Variants in CAMK1D observed in about 807,000 individuals in gnomAD.
CAMK1D encodes calcium/calmodulin dependent protein kinase ID, also known as calcium/calmodulin-dependent protein kinase type 1D.
Under a neutral mutation model 47.7 loss-of-function variants are expected in CAMK1D, and 9 were observed. The ratio of observed to expected loss-of-function variants is 0.19; its 90% CI spans 0.11 to 0.33. CAMK1D has a LOEUF of 0.33. Ranked by LOEUF, CAMK1D falls within the 10% of genes least tolerant of loss-of-function variation. The pLI, the probability that CAMK1D is intolerant of heterozygous loss-of-function variation, is 1.00. For synonymous variants in CAMK1D, 184 were observed against 184.9 expected (o/e 0.99, Z 0.04); for missense variants, 291 against 488.7 (o/e 0.60, Z 3.81).
intron 3 of CAMK1D, among the ~76,000 whole-genome samples, chr10:12,710,476 A>C (rs1208528085): frequency 6.6e-6 from 1 of 152,252 alleles, no homozygotes; most frequent in Non-Finnish European, 1.5e-5. Context: ...AGTGACAAAG[A>C]CAGAGAAGAA....
chr10:12,357,401 C>T (rs1408479281), intron 1 of CAMK1D, among the ~76,000 whole-genome samples: 4 of 151,916 alleles, frequency 2.6e-5, no homozygotes, highest in Non-Finnish European at 4.4e-5. Context: ...CTGCAACCTC[C>T]GCCTCCCGGG....
intron 1 of CAMK1D, among the ~76,000 whole-genome samples, chr10:12,478,162 C>T (rs951321075): frequency 2.0e-5 from 3 of 151,464 alleles, no homozygotes; most frequent in African/African-American, 4.9e-5. Context: ...CCCTCCACCA[C>T]GCTCTGCTAA....
rs1833403858 is a variant in CAMK1D at position 12,830,830 on chromosome 10, A to C, written c.*1943A>C. 1 of 56,144 alleles carries C rather than the reference A, an allele frequency of 1.8e-5. No homozygotes were observed. Among genetic ancestry groups the C allele is most frequent in the Non-Finnish European group, 3.7e-5 (1 of 26,728 alleles). The allele number at this position is 56,144 out of a possible 1,614,324, so 3.5% of individuals were successfully genotyped here. On this transcript the variant is annotated 3_prime_UTR_variant, in exon 11 of 11. Coordinates refer to ENST00000619168, the MANE Select transcript of CAMK1D (RefSeq NM_153498.4). ...GCCCTCTTCCTCTGGCTGGCCAGTC[A>C]TGGGAAGTCCTGTTGGTTGAGTCAT... is the stretch of plus-strand genomic sequence containing the variant.
At chr10:12,530,141 G>C (rs539174506) in intron 1 of CAMK1D, among the ~76,000 whole-genome samples, 3 of 152,196 alleles carry the variant, frequency 2.0e-5, no homozygotes, top group African/African-American at 4.8e-5. Context: ...CTCTGGTGTT[G>C]GGATTTGGAT....
chr10:12,541,878 C>CCTTCCTTCCTTCCTTCCTT (rs1343557573), intron 1 of CAMK1D, among the ~76,000 whole-genome samples: 2 of 145,602 alleles, frequency 1.4e-5, no homozygotes, highest in Admixed American at 6.8e-5. Context: ...TTCCTTCCTT[C>CCTTCCTTCCTTCCTTCCTT]CTTCCTTCCT....
At chr10:12,406,409 GT>G (rs898894743) in intron 1 of CAMK1D, among the ~76,000 whole-genome samples, 3 of 152,078 alleles carry the variant, frequency 2.0e-5, no homozygotes, top group African/African-American at 7.2e-5. Flanking sequence ...TATTGTTATT[GT>G]TTTTTTAATT....
At chr10:12,423,987 A>G (rs1169333851) in intron 1 of CAMK1D, among the ~76,000 whole-genome samples, 1 of 152,082 alleles carries the variant, frequency 6.6e-6, no homozygotes, top group East Asian at 1.9e-4. Context: ...TCATCAGGTG[A>G]TACCCTTCAA....
chr10:12,695,060 A>ATAGATAGATACCTAGG (rs1554811991), intron 3 of CAMK1D, among the ~76,000 whole-genome samples: 2 of 85,914 alleles, frequency 2.3e-5, no homozygotes, highest in Admixed American at 1.3e-4. Context: ...AGATAGATAG[A>ATAGATAGATACCTAGG]TAGATACATA....
At chr10:12,401,063 AT>A (rs1491373458) in intron 1 of CAMK1D, among the ~76,000 whole-genome samples, 1 of 94,010 alleles carries the variant, frequency 1.1e-5, no homozygotes, top group Non-Finnish European at 2.0e-5. Context: ...TTATATATAT[AT>A]TTTATATATA....
At chr10:12,392,985 A>G (rs2724806) in intron 1 of CAMK1D, among the ~76,000 whole-genome samples, 41,974 of 151,420 alleles carry the variant, frequency 0.28, 6,046 homozygotes, top group South Asian at 0.31. Flanking sequence ...CTTAGCTACA[A>G]CTGACTGCTC....
intron 3 of CAMK1D, among the ~76,000 whole-genome samples, chr10:12,695,758 C>G (rs1441429148): frequency 6.6e-6 from 1 of 152,010 alleles, no homozygotes; most frequent in Admixed American, 6.6e-5. Flanking sequence ...GTGATACAAT[C>G]CATGCGGAAT....
intron 2 of CAMK1D, among the ~76,000 whole-genome samples, chr10:12,635,116 G>C (rs148131029): frequency 4.7e-4 from 72 of 152,266 alleles, no homozygotes; most frequent in Admixed American, 9.2e-4. Context: ...GATAGGAGCT[G>C]TGGGGAACAT....
At chr10:12,766,089 C>G (rs1836743914) in intron 4 of CAMK1D, among the ~76,000 whole-genome samples, 1 of 151,636 alleles carries the variant, frequency 6.6e-6, no homozygotes. Context: ...CCTCAGCCTC[C>G]CTAGTAGCTG....
At chr10:12,719,053 G>C (rs1834266182) in intron 3 of CAMK1D, among the ~76,000 whole-genome samples, 1 of 152,184 alleles carries the variant, frequency 6.6e-6, no homozygotes, top group Non-Finnish European at 1.5e-5. Flanking sequence ...AAGAAATAGA[G>C]ACAAGGTACG....
intron 6 of CAMK1D, among the ~76,000 whole-genome samples, chr10:12,810,078 A>G (rs1475094466): frequency 7.0e-6 from 1 of 142,812 alleles, no homozygotes; most frequent in Admixed American, 7.2e-5. Context: ...AGTCTGGGAG[A>G]TGGGAGGGTG....
At chr10:12,349,979 CCG>C in intron 1 of CAMK1D, 69 bp downstream of exon 1, 3 of 763,730 alleles carry the variant, frequency 3.9e-6, no homozygotes, top group Non-Finnish European at 5.7e-6. Flanking sequence ...GCTCCAGCTG[CCG>C]CCGCCGCCAC....
At chr10:12,589,020 G>C (rs1837918548) in intron 2 of CAMK1D, among the ~76,000 whole-genome samples, 1 of 151,778 alleles carries the variant, frequency 6.6e-6, no homozygotes, top group African/African-American at 2.4e-5. Flanking sequence ...ACACATATTT[G>C]AGACAGGGTC....
At chr10:12,760,745 T>G (rs1836463023) in intron 3 of CAMK1D, among the ~76,000 whole-genome samples, 1 of 152,204 alleles carries the variant, frequency 6.6e-6, no homozygotes, top group South Asian at 2.1e-4. Context: ...TTTTTAAATT[T>G]CCTTTACTTG....
At chr10:12,504,810 C>T (rs1234049501) in intron 1 of CAMK1D, among the ~76,000 whole-genome samples, 3 of 152,120 alleles carry the variant, frequency 2.0e-5, no homozygotes, top group Admixed American at 6.5e-5. Context: ...GGACGGGGCT[C>T]CTCTCAGGTT....
Sources: allele counts gnomAD v4.1 joint callset (sites outside exome capture counted in the v4.1 genomes callset), GRCh38; gene constraint gnomAD v4.1.1; transcripts MANE v1.5; gene names NCBI Gene and HGNC (gene_info 2026-07-23, HGNC 2026-07-21).